The following SPARCL1 variants were observed in gnomAD, a reference collection of about 807,000 sequenced individuals.
The protein encoded by SPARCL1 is SPARC-like protein 1.
A neutral mutation model predicts 67.1 loss-of-function variants in SPARCL1; 52 were observed. That is an observed-to-expected ratio of 0.78 (90% CI 0.62 to 0.98). The LOEUF is 0.98. Among genes scored for constraint, SPARCL1 ranks in the 50% least tolerant of loss-of-function variants. The pLI, the probability that SPARCL1 is intolerant of heterozygous loss-of-function variation, is 0.00. For synonymous variants in SPARCL1, 226 were observed against 267.8 expected, an observed-to-expected ratio of 0.84 and a Z score of 1.52; for missense variants, 717 against 782.4, an observed-to-expected ratio of 0.92 and a Z score of 1.00.
At chr4:87,524,724 A>T (rs1362816644) in intron 1 of SPARCL1, among the ~76,000 whole-genome samples, 1 of 152,226 alleles carries the variant, frequency 6.6e-6, no homozygotes, top group Non-Finnish European at 1.5e-5. Context: ...CTTCATTGGC[A>T]ATACTTGTTG....
Position 87,473,592 on chromosome 4 carries a change from G to A in SPARCL1, c.*183C>T, listed in dbSNP as rs997560852. 1.5e-5 allele frequency: 7 copies of A among 456,122 alleles called. No individual in the cohort carries two copies. The highest frequency in any genetic ancestry group is 2.0e-5 in the African/African-American group (1 of 49,678). The allele number at this position is 456,122 out of a possible 1,614,324, so 28.3% of individuals were successfully genotyped here. ...TGACTTTACTTAATTGTACATTTTT[G>A]TTTCCAAAGTTAATGTTAAATACCT... On this transcript the variant is annotated 3_prime_UTR_variant, in exon 11 of 11. Coordinates refer to ENST00000282470, the MANE Select transcript of SPARCL1 (RefSeq NM_004684.6).
intron 1 of SPARCL1, among the ~76,000 whole-genome samples, chr4:87,502,972 A>C (rs1724911949): frequency 6.6e-6 from 1 of 152,208 alleles, no homozygotes; most frequent in Non-Finnish European, 1.5e-5. Context: ...AAGCAAATAT[A>C]AACCTGGTTG....
chr4:87,477,790 T>A (rs1326327386), intron 10 of SPARCL1, among the ~76,000 whole-genome samples: 1 of 152,212 alleles, frequency 6.6e-6, no homozygotes, highest in African/African-American at 2.4e-5. Flanking sequence ...GGTTAGTTAC[T>A]GTGAGATTCC....
At chr4:87,499,231 C>A (rs1724747862) in intron 2 of SPARCL1, among the ~76,000 whole-genome samples, 2 of 152,156 alleles carry the variant, frequency 1.3e-5, no homozygotes, top group African/African-American at 4.8e-5. Context: ...GAATTTATTT[C>A]TTCCTGTCTC....
chr4:87,508,782 A>ATATG (rs1725219959), intron 1 of SPARCL1, among the ~76,000 whole-genome samples: 2 of 140,116 alleles, frequency 1.4e-5, no homozygotes, highest in East Asian at 4.1e-4. Context: ...GATGAAACAT[A>ATATG]TGTGTGTGTG....
chr4:87,486,955 C>A (rs1178729728), intron 7 of SPARCL1, among the ~76,000 whole-genome samples: 1 of 94,832 alleles, frequency 1.1e-5, no homozygotes, highest in African/African-American at 4.2e-5. Flanking sequence ...GTAAATAGTC[C>A]TCCATCCCTT....
intron 1 of SPARCL1, among the ~76,000 whole-genome samples, chr4:87,508,782 A>ATGTGTGTGTGTGTGTG (rs71667857): frequency 2.9e-5 from 4 of 140,098 alleles, no homozygotes; most frequent in African/African-American, 1.1e-4. Flanking sequence ...GATGAAACAT[A>ATGTGTGTGTGTGTGTG]TGTGTGTGTG....
At chr4:87,511,392 G>A (rs991353817) in intron 1 of SPARCL1, among the ~76,000 whole-genome samples, 1 of 152,130 alleles carries the variant, frequency 6.6e-6, no homozygotes, top group Admixed American at 6.5e-5. Context: ...GAAGACAGAC[G>A]GTGGATTAGT....
chr4:87,474,587 G>A (rs72879225), intron 10 of SPARCL1, among the ~76,000 whole-genome samples: 5,084 of 152,104 alleles, frequency 0.033, 269 homozygotes, highest in African/African-American at 0.11. Flanking sequence ...ACCTTCACAA[G>A]ATTCTCCTTT....
At chr4:87,504,077 A>AG (rs1238279644) in intron 1 of SPARCL1, among the ~76,000 whole-genome samples, 7 of 150,604 alleles carry the variant, frequency 4.6e-5, no homozygotes, top group African/African-American at 7.3e-5. Flanking sequence ...CACCTGGACC[A>AG]GGGAACAGTC....
intron 2 of SPARCL1, chr4:87,497,247 G>A: frequency 1.0e-6 from 1 of 983,136 alleles, no homozygotes; most frequent in Non-Finnish European, 1.2e-6. Flanking sequence ...CACCTAAGAT[G>A]GGTAATGAAT....
chr4:87,474,399 ATT>A (rs5860075), intron 10 of SPARCL1, among the ~76,000 whole-genome samples: 340 of 150,066 alleles, frequency 2.3e-3, no homozygotes, highest in Non-Finnish European at 4.2e-3. Flanking sequence ...ATGGACTTTG[ATT>A]TTTTTTTTTT....
At chr4:87,504,388 G>A (rs1275750236) in intron 1 of SPARCL1, among the ~76,000 whole-genome samples, 1 of 152,074 alleles carries the variant, frequency 6.6e-6, no homozygotes, top group African/African-American at 2.4e-5. Flanking sequence ...TGGAATGGGT[G>A]TTTACTTTAT....
At chr4:87,506,849 C>G (rs1293053534) in intron 1 of SPARCL1, among the ~76,000 whole-genome samples, 1 of 151,828 alleles carries the variant, frequency 6.6e-6, no homozygotes, top group Non-Finnish European at 1.5e-5. Flanking sequence ...ACCTACCTAT[C>G]TCCTATTTGT....
At chr4:87,516,324 C>G (rs1428041689) in intron 1 of SPARCL1, among the ~76,000 whole-genome samples, 9 of 152,122 alleles carry the variant, frequency 5.9e-5, no homozygotes, top group Admixed American at 1.3e-4. Flanking sequence ...TGCTTTGAGT[C>G]ACTGAGTTTG....
rs752696177 is a variant in SPARCL1, at chr4:87,490,302, A to G, written c.1502T>C (p.Leu501Pro). 5.0e-6 allele frequency: 8 copies of G among 1,612,888 alleles called. No homozygotes were observed. The highest frequency in any genetic ancestry group is 5.9e-6 in the Non-Finnish European group (7 of 1,179,538). ...RLEGTKKGHQLQLDYFGACKS... is the reference protein window; with the variant it reads ...RLEGTKKGHQPQLDYFGACKS... Reference sequence around the variant, plus strand: ...GCAGGCTCCAAAATAATCCAGCTGGAGTTGATGCCCCTTTTTGGTCCCCTC... The same window carrying G: ...GCAGGCTCCAAAATAATCCAGCTGGGGTTGATGCCCCTTTTTGGTCCCCTC... The change falls in exon 7 of 11, where the codon CTC (leucine) becomes CCC (proline). Residue 501 changes from leucine to proline, a missense_variant. Physicochemically the swap from Leu to Pro is moderately conservative, Grantham distance 98. Transcript: ENST00000282470.
At chr4:87,485,771 A>G (rs1311173193) in intron 7 of SPARCL1, among the ~76,000 whole-genome samples, 1 of 152,094 alleles carries the variant, frequency 6.6e-6, no homozygotes, top group African/African-American at 2.4e-5. Flanking sequence ...CAGGGATTCA[A>G]CTTCTTCCTG....
chr4:87,504,308 G>T (rs781158736), intron 1 of SPARCL1, among the ~76,000 whole-genome samples: 12 of 151,968 alleles, frequency 7.9e-5, no homozygotes, highest in African/African-American at 2.9e-4. Context: ...GGAGACTCAA[G>T]TATAATTCTT....
chr4:87,488,425 T>G (rs1724164530), intron 7 of SPARCL1, among the ~76,000 whole-genome samples: 1 of 152,222 alleles, frequency 6.6e-6, no homozygotes, highest in South Asian at 2.1e-4. Context: ...CAGCAGAGGC[T>G]TCAGAACAGC....
Sources: allele counts gnomAD v4.1 joint callset (sites outside exome capture counted in the v4.1 genomes callset), GRCh38; gene constraint gnomAD v4.1.1; transcripts MANE v1.5; gene names NCBI Gene and HGNC (gene_info 2026-07-23, HGNC 2026-07-21).